Variants in ROCK1 observed in about 807,000 individuals in gnomAD.
The protein encoded by ROCK1 is rho-associated protein kinase 1.
In ROCK1, 36 loss-of-function variants were observed where a neutral mutation model predicts 196.8. The ratio of observed to expected loss-of-function variants is 0.18; its 90% CI spans 0.14 to 0.24. The LOEUF (loss-of-function observed/expected upper bound fraction) is 0.24. ROCK1 is among the 10% of genes least tolerant of loss of function. The probability of loss-of-function intolerance (pLI) is 1.00; values close to 1 mark genes in which losing one functional copy is unlikely to be tolerated. For missense variants in ROCK1, 920 were observed against 1,562.0 expected (o/e 0.59, Z 6.93); for synonymous variants, 443 against 515.9 (o/e 0.86, Z 1.91).
At chr18:21,043,998 G>A in intron 6 of ROCK1, 104 bp downstream of exon 6, 1 of 678,482 alleles carries the variant, frequency 1.5e-6, no homozygotes, top group East Asian at 2.6e-5. Context: ...TCCAGCTATG[G>A]TTAGTAAATT....
chr18:20,969,735 T>A (rs1205666364), intron 23 of ROCK1, among the ~76,000 whole-genome samples: 1 of 152,126 alleles, frequency 6.6e-6, no homozygotes, highest in African/African-American at 2.4e-5. Context: ...ATTTTATAGA[T>A]GAGAAATCTG....
intron 1 of ROCK1, among the ~76,000 whole-genome samples, chr18:21,075,884 C>T (rs372866955): frequency 2.0e-5 from 3 of 147,518 alleles, no homozygotes; most frequent in African/African-American, 5.0e-5. Context: ...ACCCGGGAGG[C>T]GGAGGTTGCA....
intron 18 of ROCK1, among the ~76,000 whole-genome samples, chr18:20,987,502 AG>A (rs1215794332): frequency 1.3e-5 from 2 of 152,228 alleles, no homozygotes; most frequent in African/African-American, 4.8e-5. Context: ...GCATTGTTCC[AG>A]AAAAGGTTGA....
chr18:20,997,452 T>C (rs1472935085), intron 16 of ROCK1, among the ~76,000 whole-genome samples: 2 of 152,192 alleles, frequency 1.3e-5, no homozygotes, highest in Non-Finnish European at 2.9e-5. Flanking sequence ...ATATAACAAT[T>C]GTAAATACAG....
chr18:20,967,483 AG>A (rs1307592387), intron 26 of ROCK1, among the ~76,000 whole-genome samples: 2 of 152,220 alleles, frequency 1.3e-5, no homozygotes, highest in Admixed American at 6.5e-5. Flanking sequence ...TAACAAGCCA[AG>A]GGGTATCAAA....
In ROCK1 at chr18:20,976,621, C is replaced by G. The variant is rs2035483435; in HGVS notation, c.2654+3289G>C. Among the ~76,000 whole-genome samples, 3 of 152,200 alleles carry G rather than the reference C, an allele frequency of 2.0e-5. 1 individual carries two copies. The highest frequency in any genetic ancestry group is 2.0e-4 in the Admixed American group (3 of 15,280). ...TACAGCCTAGTTACACCTATGGCAT[C>G]ATAGGCTCATGAGTTTATAAACTCT... On this transcript the variant is annotated intron_variant, in intron 22 of 32. Coordinates refer to ENST00000399799, the MANE Select transcript of ROCK1 (RefSeq NM_005406.3).
rs867774635 is a variant in ROCK1 at position 21,047,710 on chromosome 18, C to T, written c.414+1382G>A. 7.2e-5 allele frequency among the ~76,000 whole-genome samples: 11 copies of T among 151,766 alleles called. No individual in the cohort carries two copies. The East Asian group carries it at 1.6e-3, about 21-fold the overall frequency. ...TCGGGAGGCTGAGGCAGGAGAATGG[C>T]GTGAACTCAGGGGGCAGAGCTTGCT... On this transcript the variant is annotated intron_variant, in intron 4 of 32. Transcript: ENST00000399799.
At chr18:21,044,449 G>C (rs1423724212) in intron 5 of ROCK1, among the ~76,000 whole-genome samples, 2 of 152,102 alleles carry the variant, frequency 1.3e-5, no homozygotes, top group Non-Finnish European at 2.9e-5. Context: ...GAGAGAGACA[G>C]ACCATCAAAA....
chr18:21,105,063 T>C (rs1485048345), intron 1 of ROCK1, among the ~76,000 whole-genome samples: 1 of 152,182 alleles, frequency 6.6e-6, no homozygotes, highest in Non-Finnish European at 1.5e-5. Flanking sequence ...ATATTATAAA[T>C]ATGACAATAT....
At chr18:21,074,901 T>C (rs1275364104) in intron 1 of ROCK1, among the ~76,000 whole-genome samples, 1 of 151,728 alleles carries the variant, frequency 6.6e-6, no homozygotes, top group Non-Finnish European at 1.5e-5. Context: ...AAGAATAGAA[T>C]TATGAAGGAA....
chr18:21,036,656 C>T (rs1438234951), intron 9 of ROCK1, among the ~76,000 whole-genome samples: 6 of 151,900 alleles, frequency 3.9e-5, no homozygotes, highest in African/African-American at 1.5e-4. Flanking sequence ...CAACATTACC[C>T]AGGTTGGTTT....
At chr18:21,073,649 C>T (rs2127958) in intron 1 of ROCK1, among the ~76,000 whole-genome samples, 68,881 of 151,864 alleles carry the variant, frequency 0.45, 17,159 homozygotes, top group Non-Finnish European at 0.57. Flanking sequence ...GGTTATTATT[C>T]TAAACCTAAC....
intron 29 of ROCK1, among the ~76,000 whole-genome samples, chr18:20,959,138 A>ATATT (rs2035296913): frequency 3.2e-5 from 2 of 62,850 alleles, no homozygotes; most frequent in African/African-American, 1.6e-4. Flanking sequence ...TATTATATAT[A>ATATT]TTATATAAAA....
intron 29 of ROCK1, among the ~76,000 whole-genome samples, chr18:20,959,146 A>ATATATATATTATATATTATATAT (rs2035297535): frequency 1.7e-5 from 1 of 59,060 alleles, no homozygotes. Context: ...ATATTATATA[A>ATATATATATTATATATTATATAT]AATATATATA....
At chr18:21,097,341 A>G (rs2036621047) in intron 1 of ROCK1, among the ~76,000 whole-genome samples, 1 of 152,210 alleles carries the variant, frequency 6.6e-6, no homozygotes, top group Non-Finnish European at 1.5e-5. Flanking sequence ...CATTTCAAAT[A>G]AAGTATCACA....
At chr18:21,074,651 T>C (rs568708181) in intron 1 of ROCK1, among the ~76,000 whole-genome samples, 1 of 152,342 alleles carries the variant, frequency 6.6e-6, no homozygotes, top group East Asian at 1.9e-4. Flanking sequence ...CATAACCTCC[T>C]TTGTGCTATT....
At chr18:21,013,524 G>C (rs2035836653) in intron 13 of ROCK1, among the ~76,000 whole-genome samples, 1 of 152,174 alleles carries the variant, frequency 6.6e-6, no homozygotes, top group African/African-American at 2.4e-5. Flanking sequence ...ATGTCTCTTT[G>C]ATACCAACCC....
In ROCK1 at chr18:20,970,440, C is replaced by T; in HGVS notation, c.2728G>A (p.Glu910Lys). The T allele has an allele frequency of 6.2e-7, 1 of 1,613,874 alleles. No homozygotes were observed. The highest frequency in any genetic ancestry group is 8.5e-7 in the Non-Finnish European group (1 of 1,179,824). Residue 910 changes from glutamate to lysine, a missense_variant, in exon 23 of 33, where the codon GAA (glutamate) becomes AAA (lysine). Physicochemically the swap from Glu to Lys is moderately conservative, Grantham distance 56. Transcript: ENST00000399799. ...ESEQLARGLL[E>K]EQYFELTQES... The stretch of plus-strand genomic sequence containing the variant: ...TGCGTCAATTCAAAATACTGTTCTT[C>T]CAGAAGGCCTCGCGCCAACTGCTCA...
intron 1 of ROCK1, among the ~76,000 whole-genome samples, chr18:21,086,049 G>A: frequency 6.6e-6 from 1 of 151,148 alleles, no homozygotes; most frequent in African/African-American, 2.4e-5. Context: ...TATCTAATTT[G>A]TTATTTTGGG....
Sources: allele counts gnomAD v4.1 joint callset (sites outside exome capture counted in the v4.1 genomes callset), GRCh38; gene constraint gnomAD v4.1.1; transcripts MANE v1.5; gene names NCBI Gene and HGNC (gene_info 2026-07-23, HGNC 2026-07-21).